The following KCNG3 variants were observed in gnomAD, a reference collection of about 807,000 sequenced individuals.
KCNG3 encodes the protein voltage-gated potassium channel regulatory subunit KCNG3.
A neutral mutation model predicts 29.0 loss-of-function variants in KCNG3; 15 were observed. That is an observed-to-expected ratio of 0.52 (90% CI 0.35 to 0.80). The LOEUF is 0.80. KCNG3 is among the 30% of genes least tolerant of loss of function. The pLI is 0.01. For missense variants in KCNG3, 512 were observed against 605.7 expected (o/e 0.85, Z 1.62); for synonymous variants, 322 against 248.9 (o/e 1.29, Z -2.76).
intron 1 of KCNG3, among the ~76,000 whole-genome samples, chr2:42,476,299 C>T (rs1196005312): frequency 6.6e-6 from 1 of 150,870 alleles, no homozygotes; most frequent in Non-Finnish European, 1.5e-5. Flanking sequence ...TAGAGAAACC[C>T]AGTCTCTACA....
At chr2:42,468,070 C>CA (rs1673188821) in intron 1 of KCNG3, among the ~76,000 whole-genome samples, 1 of 151,178 alleles carries the variant, frequency 6.6e-6, no homozygotes, top group African/African-American at 2.4e-5. Context: ...AACACAGATG[C>CA]AAAAATTCTA....
chr2:42,404,336 A>C, the KCNG3 span, among the ~76,000 whole-genome samples: 2 of 152,192 alleles, frequency 1.3e-5, no homozygotes. Flanking sequence ...GGGAACTGGG[A>C]GCTTACAAAA....
the KCNG3 span, among the ~76,000 whole-genome samples, chr2:42,417,841 G>A: frequency 2.0e-5 from 3 of 151,840 alleles, no homozygotes; most frequent in African/African-American, 4.8e-5. Context: ...GCTTGGTGGC[G>A]TGCGCCTGTA....
the KCNG3 span, among the ~76,000 whole-genome samples, chr2:42,390,033 T>C: frequency 3.1e-3 from 474 of 152,276 alleles, 5 homozygotes; most frequent in Non-Finnish European, 3.7e-3. Context: ...GCCCCCACCC[T>C]AACTTTGTAA....
chr2:42,430,274 G>A, the KCNG3 span, among the ~76,000 whole-genome samples: 1 of 151,608 alleles, frequency 6.6e-6, no homozygotes, highest in Non-Finnish European at 1.5e-5. Context: ...AGGCTGAAGT[G>A]GGAGGATTGC....
At chr2:42,463,976 C>A in intron 1 of KCNG3, 1 of 315,010 alleles carries the variant, frequency 3.2e-6, no homozygotes, top group East Asian at 1.3e-4. Flanking sequence ...CCAAGATCAG[C>A]GTACGTGGGA....
At chr2:42,451,585 C>T (rs572724572) in intron 1 of KCNG3, among the ~76,000 whole-genome samples, 9 of 151,972 alleles carry the variant, frequency 5.9e-5, no homozygotes, top group Admixed American at 2.0e-4. Flanking sequence ...ATTAGCTGGG[C>T]GTGGTGGTGC....
At chr2:42,408,336 G>T in the KCNG3 span, among the ~76,000 whole-genome samples, 7 of 152,192 alleles carry the variant, frequency 4.6e-5, no homozygotes, top group African/African-American at 1.7e-4. Context: ...ATGGGAACTT[G>T]TGGTGCCTTT....
At chr2:42,405,664 G>C in the KCNG3 span, among the ~76,000 whole-genome samples, 1 of 151,898 alleles carries the variant, frequency 6.6e-6, no homozygotes, top group Non-Finnish European at 1.5e-5. Flanking sequence ...CTGGAGTGCA[G>C]TGGCGCAATC....
intron 1 of KCNG3, among the ~76,000 whole-genome samples, chr2:42,464,181 T>G (rs773535895): frequency 6.6e-6 from 1 of 152,216 alleles, no homozygotes; most frequent in Non-Finnish European, 1.5e-5. Context: ...TTATTCTTAC[T>G]TAACTACTGT....
chr2:42,399,564 G>C, the KCNG3 span, among the ~76,000 whole-genome samples: 1 of 152,028 alleles, frequency 6.6e-6, no homozygotes, highest in Non-Finnish European at 1.5e-5. Context: ...TTTTGACCAG[G>C]AAACACATGC....
chr2:42,402,442 T>C, the KCNG3 span, among the ~76,000 whole-genome samples: 1,420 of 152,312 alleles, frequency 9.3e-3, 32 homozygotes, highest in African/African-American at 0.032. Flanking sequence ...TCCCAGCACT[T>C]TGGGAGGCCA....
At chr2:42,473,050 C>A (rs916218177) in intron 1 of KCNG3, among the ~76,000 whole-genome samples, 13 of 151,042 alleles carry the variant, frequency 8.6e-5, no homozygotes, top group Admixed American at 7.9e-4. Context: ...TACAGGCACC[C>A]GCCACCACGC....
chr2:42,452,413 TA>T (rs958676489), intron 1 of KCNG3, among the ~76,000 whole-genome samples: 9 of 151,814 alleles, frequency 5.9e-5, no homozygotes, highest in African/African-American at 1.7e-4. Flanking sequence ...AAGATTAAAT[TA>T]TTTTTTTACT....
intron 1 of KCNG3, among the ~76,000 whole-genome samples, chr2:42,458,165 G>A (rs1165477046): frequency 6.6e-6 from 1 of 152,122 alleles, no homozygotes; most frequent in African/African-American, 2.4e-5. Flanking sequence ...GCAGGACAAC[G>A]ATAATGATGA....
chr2:42,493,436 C>G lies in KCNG3; in HGVS notation c.66G>C (p.Leu22=), dbSNP rs1034817474. 6.8e-7 allele frequency: 1 copy of G among 1,474,138 alleles called. No homozygotes were observed. Among genetic ancestry groups the G allele is most frequent in the East Asian group, 2.4e-5 (1 of 41,030 alleles). The allele number at this position is 1,474,138 out of a possible 1,614,324, so 91.3% of individuals were successfully genotyped here. A position where few individuals can be genotyped will look rare whatever the true frequency, so the allele number is the denominator to read the frequency against. ...GGAAGTCCTTCAGCAGCTCCCGGGACAGCGAATACCGGGCGCCGCCCACGT... is the reference window on the plus strand; with the variant it reads ...GGAAGTCCTTCAGCAGCTCCCGGGAGAGCGAATACCGGGCGCCGCCCACGT... ...VLNVGGARYS[L]SRELLKDFPL... is the part of the protein sequence containing the mutation. Residue 22 remains leucine (L), a synonymous_variant, in exon 1 of 2, where the codon CTG becomes CTC. Transcript: ENST00000306078.
At position 42,442,470 on chromosome 2, in the gene KCNG3, A is replaced by G. The variant is rs746612859; in HGVS notation, c.*1464T>C. The G allele has an allele frequency of 2.0e-5, 3 of 152,166 alleles. No homozygotes were observed. The highest frequency in any genetic ancestry group is 4.4e-5 in the Non-Finnish European group (3 of 68,026). The allele number at this position is 152,166 out of a possible 1,614,324, so 9.4% of individuals were successfully genotyped here. A position where few individuals can be genotyped will look rare whatever the true frequency, so the allele number is the denominator to read the frequency against. On this transcript the variant is annotated 3_prime_UTR_variant, in exon 2 of 2. Transcript: ENST00000306078. ...CTCCTGCCCTGATTTTCTACCTGTA[A>G]TAGTTGAGGTTTGAACTAGATGATG...
chr2:42,406,221 T>G, the KCNG3 span, among the ~76,000 whole-genome samples: 51 of 152,056 alleles, frequency 3.4e-4, no homozygotes, highest in Non-Finnish European at 6.5e-4. Flanking sequence ...TTTTAACACA[T>G]TAATTTTTTT....
chr2:42,473,598 C>T lies in KCNG3; in HGVS notation c.665+19239G>A, dbSNP rs557431377. ...CTCCTGACCTCAAGTGATCTGCCTG[C>T]CTCAGCCTCCCAAAGTGCTGGGATT... On this transcript the variant is annotated intron_variant, in intron 1 of 1. Transcript: ENST00000306078. Among the ~76,000 whole-genome samples, 8 of 152,010 alleles carry T rather than the reference C, an allele frequency of 5.3e-5. No homozygotes were observed. In the East Asian group the frequency reaches 1.4e-3, roughly 26 times the overall value.
Sources: gnomAD v4.1 joint callset for allele counts (sites outside exome capture counted in the v4.1 genomes callset) on GRCh38, gnomAD v4.1.1 for gene constraint, MANE v1.5 for transcripts, NCBI Gene and HGNC (gene_info 2026-07-23, HGNC 2026-07-21) for gene names.